The following ZNF726 variants were observed in gnomAD, a reference collection of about 807,000 sequenced individuals.
ZNF726 encodes the protein zinc finger protein 726.
Under a neutral mutation model 11.6 loss-of-function variants are expected in ZNF726, and 15 were observed. The ratio of observed to expected loss-of-function variants is 1.29; its 90% CI spans 0.86 to 1.99. The LOEUF is 1.99. Among genes scored for constraint, ZNF726 ranks in the 30% most tolerant of loss-of-function variants. The pLI is 0.00. For missense variants in ZNF726, 890 were observed against 725.6 expected, an observed-to-expected ratio of 1.23 and a Z score of -2.60; for synonymous variants, 295 against 243.6, an observed-to-expected ratio of 1.21 and a Z score of -1.96.
At chr19:23,931,920 A>G (rs1003134717) in intron 3 of ZNF726, among the ~76,000 whole-genome samples, 2 of 152,164 alleles carry the variant, frequency 1.3e-5, no homozygotes, top group Non-Finnish European at 2.9e-5. Context: ...GAGACAGAAA[A>G]CAGTGTCCAA....
downstream of ZNF726, among the ~76,000 whole-genome samples, chr19:23,936,838 A>T (rs1333647094): frequency 2.0e-5 from 3 of 152,006 alleles, no homozygotes; most frequent in African/African-American, 7.2e-5. Flanking sequence ...ACAAAATGAA[A>T]AGTCTCCCAT....
downstream of ZNF726, among the ~76,000 whole-genome samples, chr19:23,938,171 A>T (rs1394132115): frequency 6.6e-6 from 1 of 152,178 alleles, no homozygotes; most frequent in Non-Finnish European, 1.5e-5. Flanking sequence ...TTGTTCCTAT[A>T]GGTTAAATTT....
intron 1 of ZNF726, among the ~76,000 whole-genome samples, chr19:23,918,708 C>G (rs117088024): frequency 0.013 from 2,007 of 151,224 alleles, 25 homozygotes; most frequent in Non-Finnish European, 0.023. Flanking sequence ...CATAAACCAT[C>G]ACACTTAAAT....
At chr19:23,940,312 A>G (rs1027578088) in intron 3 of ZNF726, among the ~76,000 whole-genome samples, 1 of 152,098 alleles carries the variant, frequency 6.6e-6, no homozygotes, top group African/African-American at 2.4e-5. Context: ...TTTGTTGAAG[A>G]TCAGTTGGCT....
At chr19:23,923,288 T>C (rs1318588679) in intron 3 of ZNF726, 1 of 322,184 alleles carries the variant, frequency 3.1e-6, no homozygotes. Context: ...ATTTAAAACA[T>C]AAAAATTGGC....
chr19:23,942,493 G>T (rs189731649), intron 3 of ZNF726, among the ~76,000 whole-genome samples: 1 of 152,132 alleles, frequency 6.6e-6, no homozygotes, highest in Non-Finnish European at 1.5e-5. Flanking sequence ...CCGGGGTATA[G>T]TTAAATCCAT....
intron 1 of ZNF726, chr19:23,919,163 G>A (rs947900463): frequency 2.4e-5 from 15 of 634,778 alleles, no homozygotes; most frequent in Middle Eastern, 5.0e-4. Flanking sequence ...TATATACACT[G>A]ATGTTCTGGA....
At chr19:23,931,271 C>T (rs1175489236) in intron 3 of ZNF726, among the ~76,000 whole-genome samples, 1 of 152,188 alleles carries the variant, frequency 6.6e-6, no homozygotes, top group Non-Finnish European at 1.5e-5. Flanking sequence ...CGCTCCCCAG[C>T]CAAAACCGCA....
intron 3 of ZNF726, chr19:23,928,259 A>G (rs1968030400): frequency 6.6e-6 from 1 of 152,160 alleles, no homozygotes; most frequent in South Asian, 2.1e-4. Flanking sequence ...CCAAATAAAT[A>G]TTATTTCTTT....
chr19:23,940,939 C>G (rs982483184), intron 3 of ZNF726, among the ~76,000 whole-genome samples: 1 of 152,140 alleles, frequency 6.6e-6, no homozygotes, highest in Non-Finnish European at 1.5e-5. Flanking sequence ...CAAACAGGTA[C>G]AGTTTGACTT....
intron 3 of ZNF726, 141 bp downstream of exon 3, chr19:23,920,223 C>G (rs1406702187): frequency 4.3e-6 from 2 of 463,584 alleles, no homozygotes; most frequent in African/African-American, 2.0e-5. Context: ...AAAATATACT[C>G]TCAGATAGGG....
chr19:23,927,473 T>C (rs1968013496), intron 3 of ZNF726, among the ~76,000 whole-genome samples: 2 of 152,052 alleles, frequency 1.3e-5, no homozygotes, highest in South Asian at 4.1e-4. Context: ...TTCTTAAATT[T>C]ATTTGTTATT....
At chr19:23,943,210 G>T (rs2145007462) in intron 3 of ZNF726, among the ~76,000 whole-genome samples, 1 of 152,170 alleles carries the variant, frequency 6.6e-6, no homozygotes, top group East Asian at 1.9e-4. Context: ...TAGTAGAGAT[G>T]GGGTTTCACC....
In ZNF726 at chr19:23,933,256, G is replaced by A. The variant is rs1169127424; in HGVS notation, c.1140G>A (p.Trp380Ter). 2 of 1,608,870 alleles carry A rather than the reference G, an allele frequency of 1.2e-6. No individual in the cohort carries two copies. Residue 380 changes from tryptophan (W) to a stop codon, truncating the protein, a stop_gained, in exon 4 of 4, where the codon TGG becomes TGA. Transcript: ENST00000594466. LOFTEE classifies it low-confidence loss of function (END_TRUNC). ...KCEECGKAFI[W>*]PSTLTKHKRI... ...AAGAATGTGGCAAAGCATTTATATG[G>A]CCCTCAACCCTAACTAAACATAAGA...
chr19:23,935,426 T>C (rs749209232), downstream of ZNF726: 6 of 521,306 alleles, frequency 1.2e-5, no homozygotes, highest in East Asian at 2.7e-4. Flanking sequence ...CACATCTTAC[T>C]ACAGATAAGA....
At chr19:23,924,797 G>C in intron 3 of ZNF726, among the ~76,000 whole-genome samples, 1 of 151,928 alleles carries the variant, frequency 6.6e-6, no homozygotes, top group East Asian at 1.9e-4. Context: ...AGAGTTTGAG[G>C]GTCAGGATTA....
downstream of ZNF726, among the ~76,000 whole-genome samples, chr19:23,937,873 ATTCT>A (rs1312159791): frequency 1.3e-5 from 2 of 152,260 alleles, no homozygotes; most frequent in South Asian, 2.1e-4. Flanking sequence ...CTTGAAAAAC[ATTCT>A]TTAGTTAACA....
chr19:23,918,157 G>C (rs1472699586), intron 1 of ZNF726, among the ~76,000 whole-genome samples: 1 of 152,160 alleles, frequency 6.6e-6, no homozygotes, highest in African/African-American at 2.4e-5. Flanking sequence ...GTGGGATGTG[G>C]CTCCATACAT....
chr19:23,930,243 C>A (rs1322568794), intron 3 of ZNF726, among the ~76,000 whole-genome samples: 1 of 151,988 alleles, frequency 6.6e-6, no homozygotes, highest in African/African-American at 2.4e-5. Flanking sequence ...TTTATTACAT[C>A]AAAATTTGGG....
Sources: gnomAD v4.1 joint callset for allele counts (sites outside exome capture counted in the v4.1 genomes callset) on GRCh38, gnomAD v4.1.1 for gene constraint, MANE v1.5 for transcripts, NCBI Gene and HGNC (gene_info 2026-07-23, HGNC 2026-07-21) for gene names.